The following RBBP8 variants were observed in gnomAD, a reference collection of about 807,000 sequenced individuals.
RBBP8 encodes the protein DNA endonuclease RBBP8.
In RBBP8, 88 loss-of-function variants were observed where a neutral mutation model predicts 108.3. The observed-to-expected ratio is 0.81, with a 90% CI of 0.68 to 0.97. RBBP8 has a LOEUF of 0.97. Among genes scored for constraint, RBBP8 ranks in the 50% least tolerant of loss-of-function variants. RBBP8 has a pLI of 0.00. For missense variants in RBBP8, 1,023 were observed against 1,049.0 expected (o/e 0.98, Z 0.34); for synonymous variants, 332 against 348.2 (o/e 0.95, Z 0.52).
chr18:22,917,581 T>C lies in RBBP8; in HGVS notation c.-154+555T>C, dbSNP rs548432585. Among the ~76,000 whole-genome samples, 14 of 152,326 alleles carry C rather than the reference T, an allele frequency of 9.2e-5. No individual in the cohort carries two copies. The South Asian group carries it at 2.9e-3, about 32-fold the overall frequency. On this transcript the variant is annotated intron_variant, in intron 3 of 4. Coordinates refer to the RBBP8 transcript ENST00000577588. The stretch of plus-strand genomic sequence containing the variant: ...AGACTATATAATACATTTCAACAAA[T>C]AGCTTCGGTATTTCCTGAAGTATTT...
chr18:22,950,746 C>T (rs894677651), intron 4 of RBBP8, among the ~76,000 whole-genome samples: 1 of 152,058 alleles, frequency 6.6e-6, no homozygotes, highest in Non-Finnish European at 1.5e-5. Context: ...ATAGCAAGAA[C>T]TCATCTCTAC....
intron 15 of RBBP8, among the ~76,000 whole-genome samples, chr18:23,003,733 A>G (rs889517273): frequency 6.6e-6 from 1 of 152,200 alleles, no homozygotes; most frequent in African/African-American, 2.4e-5. Flanking sequence ...TTAAAGATGC[A>G]TTGTAAAAAT....
rs199995388 is a variant in RBBP8 at position 22,984,965 on chromosome 18, T to C, written c.684T>C (p.Tyr228=). ...NENEILVADT[Y]DQSQSPMAKA... ...ATGAAATTCTAGTAGCTGACACTTATGACCAAAGTCAATCTCCAATGGCCA... is the reference window on the plus strand; with the variant it reads ...ATGAAATTCTAGTAGCTGACACTTACGACCAAAGTCAATCTCCAATGGCCA... Residue 228 remains tyrosine, a synonymous_variant, in exon 8 of 19, where the codon TAT becomes TAC. Transcript: ENST00000327155. 84 of 1,611,842 alleles carry C rather than the reference T, an allele frequency of 5.2e-5. No homozygotes were observed. In the East Asian group the frequency reaches 1.2e-3, roughly 24 times the overall value.
intron 14 of RBBP8, 67 bp from the exon 15 acceptor site, chr18:23,001,519 T>G: frequency 6.4e-7 from 1 of 1,573,158 alleles, no homozygotes. Flanking sequence ...GTTACTACAG[T>G]TTCATGATGG....
intron 8 of RBBP8, 108 bp downstream of exon 8, chr18:22,985,098 A>G (rs1341976280): frequency 6.9e-7 from 1 of 1,452,662 alleles, no homozygotes; most frequent in African/African-American, 1.4e-5. Context: ...TTTTCCATAT[A>G]ATTTTGTTTA....
At chr18:23,019,601 A>C (rs7234479) in intron 17 of RBBP8, among the ~76,000 whole-genome samples, 26,406 of 152,000 alleles carry the variant, frequency 0.17, 3,096 homozygotes, top group African/African-American at 0.34. Flanking sequence ...TGAGTCTCCT[A>C]TATGTCCTGA....
intron 4 of RBBP8, among the ~76,000 whole-genome samples, chr18:22,963,052 C>G (rs568035075): frequency 5.9e-5 from 9 of 152,236 alleles, no homozygotes; most frequent in African/African-American, 1.7e-4. Context: ...AAAGAACAGA[C>G]ATTTATTCAG....
rs754400507 is a variant in RBBP8 at position 22,982,296 on chromosome 18, A to G, written c.507A>G (p.Ser169=). The change falls in exon 7 of 19, where the codon TCA becomes TCG. Residue 169 remains serine (S), a synonymous_variant. Coordinates refer to ENST00000327155, the MANE Select transcript of RBBP8 (RefSeq NM_002894.3). ...VIPDSPITAF[S]FSGVNRLRRK... is the part of the protein sequence containing the mutation. ...CAGATTCACCGATAACAGCCTTCTCATTTTCTGGCGTTAACCGGCTACGAA... is the reference window on the plus strand; with the variant it reads ...CAGATTCACCGATAACAGCCTTCTCGTTTTCTGGCGTTAACCGGCTACGAA... 6.2e-7 allele frequency: 1 copy of G among 1,614,112 alleles called. No individual in the cohort carries two copies. Among genetic ancestry groups the G allele is most frequent in the South Asian group, 1.1e-5 (1 of 91,078 alleles).
chr18:22,922,662 C>T (rs1008735020), intron 3 of RBBP8, among the ~76,000 whole-genome samples: 2 of 152,044 alleles, frequency 1.3e-5, no homozygotes, highest in African/African-American at 4.8e-5. Flanking sequence ...ACGGGGTTTC[C>T]TCATGTTGTC....
Position 22,993,816 on chromosome 18 carries a change from T to G in RBBP8, c.1908T>G (p.Thr636=). The change falls in exon 12 of 19, where the codon ACT becomes ACG. Residue 636 remains threonine, a synonymous_variant. Coordinates refer to ENST00000327155, the MANE Select transcript of RBBP8 (RefSeq NM_002894.3). ...TTCTTCAGTTAAATCCATGTAGAAC[T>G]GGTAAAATAAAGTCTCTACAAAACA... The part of the protein sequence containing the change: ...ASVLQLNPCR[T]GKIKSLQNNQ... 1 of 1,613,686 alleles carries G rather than the reference T, an allele frequency of 6.2e-7. No individual in the cohort carries two copies.
intron 18 of RBBP8, 129 bp from the exon 19 acceptor site, chr18:23,026,012 TCA>T: frequency 2.6e-6 from 2 of 757,404 alleles, no homozygotes; most frequent in South Asian, 1.5e-5. Flanking sequence ...ATCATCAGCA[TCA>T]CACAGCTAAT....
At chr18:22,993,981 C>T (rs1399510267) in intron 12 of RBBP8, 134 bp downstream of exon 12, 11 of 705,460 alleles carry the variant, frequency 1.6e-5, no homozygotes, top group South Asian at 1.4e-4. Flanking sequence ...ATTTATAGGA[C>T]GATTCTCACA....
chr18:22,944,398 A>G (rs754378281), intron 2 of RBBP8, among the ~76,000 whole-genome samples: 8 of 152,144 alleles, frequency 5.3e-5, no homozygotes, highest in Non-Finnish European at 7.4e-5. Flanking sequence ...CTTTGGCTGC[A>G]CTTTTCACTT....
intron 8 of RBBP8, among the ~76,000 whole-genome samples, chr18:22,987,310 A>G (rs1915396441): frequency 6.6e-6 from 1 of 152,020 alleles, no homozygotes; most frequent in South Asian, 2.1e-4. Flanking sequence ...AGGGAGGGAG[A>G]CTTACAGGGA....
chr18:22,943,949 A>C (rs1276971015), intron 2 of RBBP8, among the ~76,000 whole-genome samples: 1 of 152,130 alleles, frequency 6.6e-6, no homozygotes, highest in East Asian at 1.9e-4. Flanking sequence ...GAGTGTGTGT[A>C]AGGTTAATTG....
intron 4 of RBBP8, among the ~76,000 whole-genome samples, chr18:22,960,040 C>G (rs144796422): frequency 6.6e-6 from 1 of 151,604 alleles, no homozygotes; most frequent in African/African-American, 2.4e-5. Flanking sequence ...TACAGGCACC[C>G]GCCACCACGC....
chr18:22,932,315 T>C (rs534428711), upstream of RBBP8, among the ~76,000 whole-genome samples: 2 of 152,350 alleles, frequency 1.3e-5, no homozygotes, highest in South Asian at 4.1e-4. Flanking sequence ...CAATTATGTT[T>C]CCTATCTTGC....
intron 10 of RBBP8, among the ~76,000 whole-genome samples, chr18:22,991,567 A>G (rs1040616868): frequency 6.6e-6 from 1 of 152,236 alleles, no homozygotes; most frequent in Admixed American, 6.5e-5. Flanking sequence ...ATTATTGCAT[A>G]TAACCTGTGC....
At position 22,993,503 on chromosome 18, in the gene RBBP8, T is replaced by C; in HGVS notation, c.1676T>C (p.Ile559Thr). 1 of 1,613,850 alleles carries C rather than the reference T, an allele frequency of 6.2e-7. No individual in the cohort carries two copies. The highest frequency in any genetic ancestry group is 8.5e-7 in the Non-Finnish European group (1 of 1,179,944). Residue 559 changes from isoleucine (I) to threonine (T), a missense_variant, in exon 11 of 19, where the codon ATC becomes ACC. Coordinates refer to ENST00000327155, the MANE Select transcript of RBBP8 (RefSeq NM_002894.3). ...GGGGAGCCCTGTTCACAGGAATGCA[T>C]CATCCTTCAGCCCTTGAATAAATGC... ...SPGEPCSQEC[I>T]ILQPLNKCSP...
Sources: gnomAD v4.1 joint callset for allele counts (sites outside exome capture counted in the v4.1 genomes callset) on GRCh38, gnomAD v4.1.1 for gene constraint, MANE v1.5 for transcripts, NCBI Gene and HGNC (gene_info 2026-07-23, HGNC 2026-07-21) for gene names.